CPA1: variants seen among roughly 807,000 people sequenced by gnomAD.
CPA1 encodes carboxypeptidase A1 (pancreatic).
CPA1 carries 42 observed loss-of-function variants against 48.7 expected under a neutral mutation model. That is an observed-to-expected ratio of 0.86 (90% CI 0.67 to 1.11). The LOEUF is 1.11. Among genes scored for constraint, CPA1 ranks in the 50% most tolerant of loss-of-function variants. The probability of loss-of-function intolerance (pLI) is 0.00; values close to 1 mark genes in which losing one functional copy is unlikely to be tolerated. For synonymous variants in CPA1, 203 were observed against 217.9 expected (o/e 0.93, Z 0.60); for missense variants, 477 against 544.7 (o/e 0.88, Z 1.24).
At chr7:130,386,383 T>C (rs1186640384) in intron 9 of CPA1, among the ~76,000 whole-genome samples, 1 of 151,788 alleles carries the variant, frequency 6.6e-6, no homozygotes, top group Non-Finnish European at 1.5e-5. Flanking sequence ...ATACAAAAAA[T>C]TAGCTGGGTG....
In CPA1 at chr7:130,388,027, C is replaced by A. The variant is rs148908145; in HGVS notation, c.*16C>A. Reference sequence around the variant, plus strand: ...CCCCTACTGAGCTGACCCTTTGACACCCTTCTTGTCCTCCTCTCTGGCCCC... The same window carrying A: ...CCCCTACTGAGCTGACCCTTTGACAACCTTCTTGTCCTCCTCTCTGGCCCC... On this transcript the variant is annotated 3_prime_UTR_variant, in exon 10 of 10. Transcript: ENST00000011292. 1.3e-3 allele frequency: 2,120 copies of A among 1,612,830 alleles called. 28 individuals are homozygous for A. The African/African-American group carries it at 0.022, about 17-fold the overall frequency.
chr7:130,383,747 C>A lies in CPA1; in HGVS notation c.649C>A (p.Leu217Met). 1 of 1,614,204 alleles carries A rather than the reference C, an allele frequency of 6.2e-7. No homozygotes were observed. Among genetic ancestry groups the A allele is most frequent in the Non-Finnish European group, 8.5e-7 (1 of 1,180,028 alleles). The change falls in exon 6 of 10, where the codon CTG (leucine) becomes ATG (methionine). Residue 217 changes from leucine to methionine, a missense_variant. Transcript: ENST00000011292. ...TAILDTLDIF[L>M]EIVTNPDGFA... Reference sequence around the variant, plus strand: ...CATTCTCGACACCTTGGACATCTTCCTGGAGATCGTCACCAACCCTGATGG... The same window carrying A: ...CATTCTCGACACCTTGGACATCTTCATGGAGATCGTCACCAACCCTGATGG...
At chr7:130,383,364 C>G in intron 4 of CPA1, 27 bp from the exon 5 acceptor site, 1 of 1,602,818 alleles carries the variant, frequency 6.2e-7, no homozygotes, top group Non-Finnish European at 8.5e-7. Context: ...GAAATTGCCT[C>G]TGATCACTCC....
chr7:130,387,729 C>CA lies in CPA1; in HGVS notation c.1073-94dup, dbSNP rs1796494216. ...TGACTCCACTCAGCATTGCACAAGGCACAGAGCTTTGGACAGGGTTGGATC... is the reference window on the plus strand; with the variant it reads ...TGACTCCACTCAGCATTGCACAAGGCAACAGAGCTTTGGACAGGGTTGGATC... On this transcript the variant is annotated intron_variant, in intron 9 of 9. Coordinates refer to ENST00000011292, the MANE Select transcript of CPA1 (RefSeq NM_001868.4). The surrounding 1 kb of genome is among the most constrained non-coding windows in gnomAD (Gnocchi z 4.6). The CA allele has an allele frequency of 2.6e-6, 3 of 1,140,888 alleles. No individual in the cohort carries two copies. Among genetic ancestry groups the CA allele is most frequent in the Non-Finnish European group, 1.3e-6 (1 of 775,952 alleles). The allele number at this position is 1,140,888 out of a possible 1,614,324, so 70.7% of individuals were successfully genotyped here. A position where few individuals can be genotyped will look rare whatever the true frequency, so the allele number is the denominator to read the frequency against.
intron 6 of CPA1, 74 bp downstream of exon 6, chr7:130,383,868 C>T: frequency 1.8e-6 from 2 of 1,105,162 alleles, no homozygotes; most frequent in Non-Finnish European, 2.8e-6. Context: ...TAGTTCACCC[C>T]TAATCTCAAG....
intron 7 of CPA1, 113 bp from the exon 8 acceptor site, chr7:130,385,033 G>T: frequency 9.6e-7 from 1 of 1,041,858 alleles, no homozygotes; most frequent in Non-Finnish European, 1.5e-6. Flanking sequence ...GAATCCAGGG[G>T]TGGGAGTGAG....
At position 130,380,856 on chromosome 7, in the gene CPA1, A is replaced by G; in HGVS notation, c.66-242A>G. On this transcript the variant is annotated intron_variant, in intron 1 of 9. Transcript: ENST00000011292. Reference sequence around the variant, plus strand: ...AGGCCTGGCTGGCTTGGAACAGAGAAATAGTCCAAACTGGGATTGAGATAG... The same window carrying G: ...AGGCCTGGCTGGCTTGGAACAGAGAGATAGTCCAAACTGGGATTGAGATAG... 3 of 585,680 alleles carry G rather than the reference A, an allele frequency of 5.1e-6. No homozygotes were observed. In the South Asian group the frequency reaches 6.3e-5, roughly 12 times the overall value. The allele number at this position is 585,680 out of a possible 1,614,324, so 36.3% of individuals were successfully genotyped here.
chr7:130,383,866 C>A, intron 6 of CPA1, 72 bp downstream of exon 6: 1 of 1,118,764 alleles, frequency 8.9e-7, no homozygotes, highest in Non-Finnish European at 1.4e-6. Flanking sequence ...AGTAGTTCAC[C>A]CCTAATCTCA....
chr7:130,383,854 CA>C, intron 6 of CPA1, 60 bp downstream of exon 6: 2 of 1,209,174 alleles, frequency 1.7e-6, no homozygotes, highest in Non-Finnish European at 2.5e-6. Context: ...CTAAGCTGCA[CA>C]AGTAGTTCAC....
intron 9 of CPA1, 152 bp downstream of exon 9, chr7:130,386,075 C>T: frequency 1.6e-6 from 1 of 612,462 alleles, no homozygotes; most frequent in South Asian, 2.1e-5. Context: ...TGGGCAGTCC[C>T]TTTTCCTGAC....
At chr7:130,386,569 C>T in intron 9 of CPA1, among the ~76,000 whole-genome samples, 1 of 151,914 alleles carries the variant, frequency 6.6e-6, no homozygotes, top group East Asian at 1.9e-4. Context: ...CCTCCAGTGC[C>T]CCTCAATTAG....
At chr7:130,385,371 C>T (rs782343548) in intron 8 of CPA1, 26 bp downstream of exon 8, 23 of 1,611,134 alleles carry the variant, frequency 1.4e-5, no homozygotes, top group Non-Finnish European at 2.0e-5. Flanking sequence ...GGCTTGCCCC[C>T]TCGTCCCCAA....
At chr7:130,380,992 C>T in intron 1 of CPA1, 106 bp from the exon 2 acceptor site, 1 of 889,228 alleles carries the variant, frequency 1.1e-6, no homozygotes, top group Non-Finnish European at 1.8e-6. Context: ...AGGACGAGGC[C>T]CAGTCTGGGG....
At chr7:130,381,600 T>A (rs1796404545) in intron 2 of CPA1, 30 bp from the exon 3 acceptor site, 1 of 1,573,772 alleles carries the variant, frequency 6.4e-7, no homozygotes, top group Non-Finnish European at 8.7e-7. Context: ...CCCAGCCCGC[T>A]GTGACCGTGC....
In CPA1 at chr7:130,385,898, C is replaced by T. The variant is rs34875501; in HGVS notation, c.1047C>T (p.Asn349=). Residue 349 remains asparagine, a synonymous_variant, in exon 9 of 10, where the codon AAC becomes AAT. Transcript: ENST00000011292. ...CCTCTCTCTACGGGACCAAGTTCAA[C>T]TATGGCAGCATCATCAAGGCAATTT... ...ALASLYGTKF[N]YGSIIKAIYQ... 9 of 1,614,152 alleles carry T rather than the reference C, an allele frequency of 5.6e-6. No individual in the cohort carries two copies. The South Asian group carries it at 8.8e-5, about 16-fold the overall frequency.
chr7:130,382,322 G>A, intron 4 of CPA1, 113 bp downstream of exon 4: 1 of 775,252 alleles, frequency 1.3e-6, no homozygotes, highest in Non-Finnish European at 2.2e-6. Context: ...CTGTTAAATG[G>A]ACTCCCCATG....
chr7:130,384,024 C>T (rs534753328), intron 6 of CPA1: 116 of 563,924 alleles, frequency 2.1e-4, no homozygotes, highest in African/African-American at 2.0e-3. Context: ...CCTAACCTTA[C>T]ACCCATTCAA....
Position 130,385,154 on chromosome 7 carries a change from G to C in CPA1, c.796G>C (p.Ala266Pro), listed in dbSNP as rs1321257803. The change falls in exon 8 of 10, where the codon GCC (alanine) becomes CCC (proline). Residue 266 changes from alanine (A) to proline (P), a missense_variant. Coordinates refer to ENST00000011292, the MANE Select transcript of CPA1 (RefSeq NM_001868.4). ...CCTCTGTCCCCCCACAGTGTCCGGA[G>C]CCAGCAGTAACCCCTGCTCGGAGAC... is the stretch of plus-strand genomic sequence containing the variant. ...NWDAGFGLSG[A>P]SSNPCSETYH... 7 of 1,614,052 alleles carry C rather than the reference G, an allele frequency of 4.3e-6. No homozygotes were observed. Among genetic ancestry groups the C allele is most frequent in the Non-Finnish European group, 5.1e-6 (6 of 1,180,058 alleles).
At chr7:130,386,038 A>G in intron 9 of CPA1, 115 bp downstream of exon 9, 1 of 864,732 alleles carries the variant, frequency 1.2e-6, no homozygotes, top group Non-Finnish European at 1.9e-6. Flanking sequence ...AGATCTGTCA[A>G]CTGCTGGCAA....
Sources: gnomAD v4.1 joint callset for allele counts (sites outside exome capture counted in the v4.1 genomes callset) on GRCh38, gnomAD v4.1.1 for gene constraint, Gnocchi (gnomAD v3.1) non-coding constraint, MANE v1.5 for transcripts, NCBI Gene and HGNC (gene_info 2026-07-23, HGNC 2026-07-21) for gene names.